Variants in SETD2 observed in about 807,000 individuals in gnomAD.
The protein encoded by SETD2 is histone-lysine N-methyltransferase SETD2.
Under a neutral mutation model 242.1 loss-of-function variants are expected in SETD2, and 31 were observed. That is an observed-to-expected ratio of 0.13 (90% confidence interval 0.10 to 0.17). SETD2 has a LOEUF of 0.17. Among genes scored for constraint, SETD2 ranks in the 10% least tolerant of loss-of-function variants. SETD2 has a pLI of 1.00. For missense variants in SETD2, 2,481 were observed against 3,046.3 expected (o/e 0.81, Z 4.37); for synonymous variants, 1,006 against 1,066.5 (o/e 0.94, Z 1.11).
intron 1 of SETD2, among the ~76,000 whole-genome samples, chr3:47,146,601 T>C (rs1036461160): frequency 6.9e-6 from 1 of 145,748 alleles, no homozygotes; most frequent in Non-Finnish European, 1.5e-5. Context: ...CTCTCCAACC[T>C]GGGCGACACA....
chr3:47,121,165 C>T lies in SETD2; in HGVS notation c.3471G>A (p.Leu1157=), dbSNP rs767211424. The T allele has an allele frequency of 8.7e-6, 14 of 1,614,022 alleles. No homozygotes were observed. Among genetic ancestry groups the T allele is most frequent in the Non-Finnish European group, 8.5e-7 (1 of 1,180,010 alleles). ...QSSRKQIDNR[L]PELSHPQSDG... The stretch of plus-strand genomic sequence containing the variant: ...CACTCTGAGGATGAGAAAGTTCAGG[C>T]AGGCGATTATCTATTTGTTTTCTAC... Residue 1157 remains leucine, a synonymous_variant, in exon 3 of 21, where the codon CTG becomes CTA. Coordinates refer to ENST00000409792, the MANE Select transcript of SETD2 (RefSeq NM_014159.7).
chr3:47,124,482 T>C lies in SETD2; in HGVS notation c.154A>G (p.Ser52Gly). Residue 52 changes from serine (S) to glycine (G), a missense_variant, in exon 3 of 21, where the codon AGT becomes GGT. By Grantham distance (56) the Ser-to-Gly change is moderately conservative. This residue lies in a region of SETD2 where 334 missense variants were observed against 374.5 expected (regional missense o/e 0.89). Coordinates refer to ENST00000409792, the MANE Select transcript of SETD2 (RefSeq NM_014159.7). ...KGPMFKGVAS[S>G]RFLPKGTKTK... ...TTGGTGCCTTTGGGCAAAAATCGAC[T>C]AGAAGCAACACCTTTGAACATTGGT... 6 of 1,551,780 alleles carry C rather than the reference T, an allele frequency of 3.9e-6. No homozygotes were observed. The highest frequency in any genetic ancestry group is 5.2e-6 in the Non-Finnish European group (6 of 1,146,980).
intron 1 of SETD2, 188 bp downstream of exon 1, chr3:47,163,666 G>A (rs558822021): frequency 1.5e-4 from 56 of 382,984 alleles, no homozygotes; most frequent in African/African-American, 1.0e-3. Flanking sequence ...CCAACCGCGG[G>A]CCTGCTGCGG....
At chr3:47,147,529 G>A (rs993489196) in intron 1 of SETD2, among the ~76,000 whole-genome samples, 1 of 151,056 alleles carries the variant, frequency 6.6e-6, no homozygotes, top group Admixed American at 6.6e-5. Context: ...CACCAGGCTG[G>A]TCTGGAACTC....
intron 18 of SETD2, among the ~76,000 whole-genome samples, chr3:47,025,863 C>T (rs1350264498): frequency 6.6e-6 from 1 of 152,140 alleles, no homozygotes; most frequent in Non-Finnish European, 1.5e-5. Context: ...TAGAAGAAAA[C>T]CTAGGCAATA....
intron 5 of SETD2, among the ~76,000 whole-genome samples, chr3:47,113,106 C>CTTTTTT (rs67797383): frequency 2.0e-5 from 3 of 148,206 alleles, no homozygotes; most frequent in Non-Finnish European, 3.0e-5. Flanking sequence ...CTCTTCTACT[C>CTTTTTT]TTTTTTTTTT....
At chr3:47,063,244 TA>T (rs1267681242) in intron 13 of SETD2, among the ~76,000 whole-genome samples, 1 of 152,070 alleles carries the variant, frequency 6.6e-6, no homozygotes, top group Non-Finnish European at 1.5e-5. Flanking sequence ...GGTATAAATA[TA>T]AAAGGAAAAT....
rs552916928 is a variant in SETD2, at chr3:47,046,502, A to G, written c.7083T>C (p.Pro2361=). The change falls in exon 16 of 21, where the codon CCT becomes CCC. Residue 2361 remains proline (P), a synonymous_variant. Coordinates refer to ENST00000409792, the MANE Select transcript of SETD2 (RefSeq NM_014159.7). ...AVTTIVAPGQ[P]QPLQPSEMVV... ...CATTTCTTACTGGCTGCAAGGGCTG[A>G]GGCTGCCCTGGTGCAACTATTGTAG... is the stretch of plus-strand genomic sequence containing the variant. The G allele has an allele frequency of 6.2e-7, 1 of 1,606,424 alleles. No homozygotes were observed.
At chr3:47,161,139 G>A (rs1266259442) in intron 1 of SETD2, among the ~76,000 whole-genome samples, 1 of 152,172 alleles carries the variant, frequency 6.6e-6, no homozygotes, top group Non-Finnish European at 1.5e-5. Flanking sequence ...TGCCCACCTA[G>A]TCTTTTCATC....
chr3:47,119,106 T>C (rs1267743193), intron 3 of SETD2, among the ~76,000 whole-genome samples: 8 of 152,148 alleles, frequency 5.3e-5, no homozygotes, highest in Non-Finnish European at 1.2e-4. Flanking sequence ...GCTAGGTTGA[T>C]TCTCAACTAG....
chr3:47,128,821 T>C (rs1054472345), intron 1 of SETD2, among the ~76,000 whole-genome samples: 1 of 152,216 alleles, frequency 6.6e-6, no homozygotes, highest in Non-Finnish European at 1.5e-5. Context: ...AATAATCATT[T>C]TCTTACAATC....
chr3:47,073,048 G>A (rs2040895564), intron 12 of SETD2, among the ~76,000 whole-genome samples: 1 of 151,878 alleles, frequency 6.6e-6, no homozygotes, highest in Non-Finnish European at 1.5e-5. Context: ...CACTCAGGAG[G>A]TTGAGGCAGG....
chr3:47,040,697 C>A (rs1354352330), intron 17 of SETD2, among the ~76,000 whole-genome samples: 4 of 150,950 alleles, frequency 2.6e-5, no homozygotes, highest in Non-Finnish European at 5.9e-5. Flanking sequence ...CCTCAGCCTC[C>A]CAACTAGTTG....
intron 14 of SETD2, 92 bp from the exon 15 acceptor site, chr3:47,057,582 C>G (rs2040136032): frequency 5.6e-6 from 5 of 885,522 alleles, no homozygotes; most frequent in Non-Finnish European, 8.7e-6. Context: ...ATGACTAAAC[C>G]ACTAACCACA....
At chr3:47,133,688 A>G (rs2043530493) in intron 1 of SETD2, among the ~76,000 whole-genome samples, 1 of 152,142 alleles carries the variant, frequency 6.6e-6, no homozygotes, top group African/African-American at 2.4e-5. Flanking sequence ...AGCCAACATC[A>G]CGCCACTGTA....
chr3:47,148,316 A>C (rs1431157195), intron 1 of SETD2, among the ~76,000 whole-genome samples: 3 of 152,056 alleles, frequency 2.0e-5, no homozygotes, highest in African/African-American at 7.2e-5. Flanking sequence ...TTTTTAGTAG[A>C]GACAGGGTTT....
chr3:47,027,805 T>TG (rs1224072682), intron 18 of SETD2, among the ~76,000 whole-genome samples: 1 of 151,862 alleles, frequency 6.6e-6, no homozygotes, highest in Non-Finnish European at 1.5e-5. Flanking sequence ...TTTTTGTTTT[T>TG]TTTTTTGAGA....
Position 47,113,323 on chromosome 3 carries a change from A to G in SETD2, c.4715+553T>C, listed in dbSNP as rs144488005. Among the ~76,000 whole-genome samples, 109 of 152,292 alleles carry G rather than the reference A, an allele frequency of 7.2e-4. 1 individual carries two copies. Among genetic ancestry groups the G allele is most frequent in the East Asian group, 3.5e-3 (18 of 5,188 alleles). On this transcript the variant is annotated intron_variant, in intron 5 of 20. Coordinates refer to ENST00000409792, the MANE Select transcript of SETD2 (RefSeq NM_014159.7). ...TATGTATACTAATGGATTCTGTCCC[A>G]ACTTCTTTTTATATAGCTTCATAGA...
intron 16 of SETD2, among the ~76,000 whole-genome samples, chr3:47,044,099 T>C (rs1187089960): frequency 1.3e-5 from 2 of 151,882 alleles, no homozygotes; most frequent in South Asian, 2.1e-4. Flanking sequence ...TCCCAGCACT[T>C]TGGAAGGCCG....
Sources: gnomAD v4.1 joint callset for allele counts (sites outside exome capture counted in the v4.1 genomes callset) on GRCh38, gnomAD v4.1.1 for gene constraint, gnomAD v4.1.1 regional missense constraint, MANE v1.5 for transcripts, NCBI Gene and HGNC (gene_info 2026-07-23, HGNC 2026-07-21) for gene names.